Variants in CPNE8 observed in about 807,000 individuals in gnomAD.
The protein encoded by CPNE8 is copine 8, also known as copine-8.
A neutral mutation model predicts 81.5 loss-of-function variants in CPNE8; 45 were observed. The ratio of observed to expected loss-of-function variants is 0.55; its 90% CI spans 0.44 to 0.71. The LOEUF is 0.71. Ranked by LOEUF, CPNE8 falls within the 30% of genes least tolerant of loss-of-function variation. The pLI is 0.00. For synonymous variants in CPNE8, 252 were observed against 226.3 expected (o/e 1.11, Z -1.02); for missense variants, 594 against 672.1 (o/e 0.88, Z 1.28).
intron 16 of CPNE8, among the ~76,000 whole-genome samples, chr12:38,684,163 C>A (rs1939476109): frequency 6.6e-6 from 1 of 152,062 alleles, no homozygotes; most frequent in African/African-American, 2.4e-5. Flanking sequence ...TTATATTCTG[C>A]TTTATTTGAC....
At position 38,892,174 on chromosome 12, in the gene CPNE8, G is replaced by A. The variant is rs190680380; in HGVS notation, c.98+13263C>T. Among the ~76,000 whole-genome samples, 25 of 152,304 alleles carry A rather than the reference G, an allele frequency of 1.6e-4. No homozygotes were observed. The East Asian group carries it at 4.8e-3, about 29-fold the overall frequency. ...AAGTGTCAACAAGGGTGGAGAAAGG[G>A]AAGACACAAAGGAACGTGGGGATTA... On this transcript the variant is annotated intron_variant, in intron 1 of 19. Transcript: ENST00000331366.
intron 6 of CPNE8, among the ~76,000 whole-genome samples, chr12:38,817,863 T>C (rs1478292930): frequency 6.6e-6 from 1 of 152,124 alleles, no homozygotes; most frequent in Non-Finnish European, 1.5e-5. Flanking sequence ...GACCTCGTGA[T>C]CCTCCTGCCT....
intron 1 of CPNE8, among the ~76,000 whole-genome samples, chr12:38,884,064 T>G (rs1944203469): frequency 6.6e-6 from 1 of 152,188 alleles, no homozygotes; most frequent in Non-Finnish European, 1.5e-5. Flanking sequence ...AAATTTGCCC[T>G]TTTAAAGTGT....
At chr12:38,734,872 G>A (rs1220540292) in intron 10 of CPNE8, among the ~76,000 whole-genome samples, 1 of 152,074 alleles carries the variant, frequency 6.6e-6, no homozygotes, top group Non-Finnish European at 1.5e-5. Context: ...ATGGATGTGT[G>A]TTGTCTCATA....
intron 5 of CPNE8, among the ~76,000 whole-genome samples, chr12:38,835,477 C>T (rs968527795): frequency 2.0e-5 from 3 of 152,170 alleles, no homozygotes; most frequent in Non-Finnish European, 4.4e-5. Context: ...GCTTACCTCA[C>T]CTCTTCAATT....
At chr12:38,850,502 T>G (rs1943628735) in intron 3 of CPNE8, among the ~76,000 whole-genome samples, 1 of 152,186 alleles carries the variant, frequency 6.6e-6, no homozygotes, top group South Asian at 2.1e-4. Flanking sequence ...CTAGTAAAGA[T>G]TAATTTGTAG....
At chr12:38,849,030 T>C (rs1187451488) in intron 3 of CPNE8, among the ~76,000 whole-genome samples, 1 of 152,214 alleles carries the variant, frequency 6.6e-6, no homozygotes, top group African/African-American at 2.4e-5. Context: ...CATATTCTTA[T>C]AATTGAAGAG....
rs1272301335 is a variant in CPNE8 at position 38,800,883 on chromosome 12, G to C, written c.408-24582C>G. On this transcript the variant is annotated intron_variant, in intron 6 of 19. Coordinates refer to ENST00000331366, the MANE Select transcript of CPNE8 (RefSeq NM_153634.3). ...ATGCAGAAGCCTCAGGAGCCGATGC[G>C]ATCAACTGGAAGAAAGGGTATCAGC... 3.2e-5 allele frequency among the ~76,000 whole-genome samples: 2 copies of C among 62,118 alleles called. 1 individual carries two copies. Among genetic ancestry groups the C allele is most frequent in the Admixed American group, 4.4e-4 (2 of 4,560 alleles). The allele number at this position is 62,118 out of a possible 152,430, so 40.8% of individuals were successfully genotyped here.
intron 1 of CPNE8, among the ~76,000 whole-genome samples, chr12:38,892,981 AG>A (rs1944335860): frequency 6.6e-6 from 1 of 152,032 alleles, no homozygotes; most frequent in African/African-American, 2.4e-5. Flanking sequence ...AGTTGGTGTT[AG>A]AAATAATCTA....
At chr12:38,770,366 T>C (rs780346531) in intron 7 of CPNE8, among the ~76,000 whole-genome samples, 11 of 152,198 alleles carry the variant, frequency 7.2e-5, no homozygotes, top group Non-Finnish European at 1.3e-4. Flanking sequence ...AAAATTTTGC[T>C]CAAATCTTTA....
intron 3 of CPNE8, among the ~76,000 whole-genome samples, chr12:38,855,292 A>G (rs1234507570): frequency 6.6e-5 from 10 of 152,086 alleles, no homozygotes; most frequent in Non-Finnish European, 1.5e-4. Flanking sequence ...AATTGAATAT[A>G]GCTAAAATGG....
intron 10 of CPNE8, among the ~76,000 whole-genome samples, chr12:38,741,781 A>C (rs1941112314): frequency 1.3e-5 from 2 of 151,996 alleles, no homozygotes; most frequent in Non-Finnish European, 2.9e-5. Context: ...CATCTGACAA[A>C]GGGCTAATAT....
chr12:38,807,134 C>T (rs1482074271), intron 6 of CPNE8, among the ~76,000 whole-genome samples: 1 of 151,976 alleles, frequency 6.6e-6, no homozygotes, highest in African/African-American at 2.4e-5. Flanking sequence ...ATTCCATGCT[C>T]ATGGGTAGGA....
At chr12:38,906,477 T>C (rs890967916), upstream of CPNE8, 1 of 985,520 alleles carries the variant, frequency 1.0e-6, no homozygotes, top group African/African-American at 1.7e-5. Flanking sequence ...GGGTCCCTCG[T>C]TTCCAAAGGC....
At chr12:38,858,039 GA>G (rs1490394170) in intron 3 of CPNE8, among the ~76,000 whole-genome samples, 1 of 152,160 alleles carries the variant, frequency 6.6e-6, no homozygotes, top group African/African-American at 2.4e-5. Context: ...AAATCCTTTT[GA>G]AAACTCTGGT....
chr12:38,834,097 T>C (rs1038188694), intron 5 of CPNE8, among the ~76,000 whole-genome samples: 2 of 152,066 alleles, frequency 1.3e-5, no homozygotes, highest in East Asian at 1.9e-4. Flanking sequence ...ATGAAAGCCA[T>C]TGGAGGGTTT....
chr12:38,832,424 G>T (rs1306623034), intron 5 of CPNE8, among the ~76,000 whole-genome samples: 3 of 152,114 alleles, frequency 2.0e-5, no homozygotes, highest in Non-Finnish European at 4.4e-5. Flanking sequence ...ATCAACACAG[G>T]CCCATAATGG....
chr12:38,854,088 G>C (rs1210671150), intron 3 of CPNE8, among the ~76,000 whole-genome samples: 3 of 151,998 alleles, frequency 2.0e-5, no homozygotes, highest in African/African-American at 7.2e-5. Flanking sequence ...AATTAGATGA[G>C]TACGGGAGTA....
chr12:38,889,537 G>A (rs1373423931), intron 1 of CPNE8, among the ~76,000 whole-genome samples: 1 of 152,012 alleles, frequency 6.6e-6, no homozygotes, highest in Non-Finnish European at 1.5e-5. Flanking sequence ...AAGAGATGAG[G>A]CTGAAAATTT....
Sources: gnomAD v4.1 joint callset for allele counts (sites outside exome capture counted in the v4.1 genomes callset) on GRCh38, gnomAD v4.1.1 for gene constraint, MANE v1.5 for transcripts, NCBI Gene and HGNC (gene_info 2026-07-23, HGNC 2026-07-21) for gene names.